Variants in PLEKHA4 observed in about 807,000 individuals in gnomAD.
PLEKHA4 encodes the protein pleckstrin homology domain-containing family A member 4.
PLEKHA4 carries 73 observed loss-of-function variants against 94.7 expected under a neutral mutation model. That is an observed-to-expected ratio of 0.77 (90% CI 0.64 to 0.94). The LOEUF (loss-of-function observed/expected upper bound fraction) is 0.94, where lower values mean the gene tolerates loss of function less well. Ranked by LOEUF, PLEKHA4 falls within the 40% of genes least tolerant of loss-of-function variation. The probability of loss-of-function intolerance (pLI) is 0.00; values close to 1 mark genes in which losing one functional copy is unlikely to be tolerated. For synonymous variants in PLEKHA4, 449 were observed against 437.1 expected (o/e 1.03, Z -0.34); for missense variants, 1,049 against 1,054.1 (o/e 1.00, Z 0.07).
chr19:48,839,547 A>G (rs545393678), intron 17 of PLEKHA4, among the ~76,000 whole-genome samples: 7 of 152,200 alleles, frequency 4.6e-5, no homozygotes, highest in African/African-American at 1.7e-4. Flanking sequence ...CTGAGTAAAT[A>G]GAACTACAGG....
rs753278744 is a variant in PLEKHA4 at position 48,857,458 on chromosome 19, C to CG, written c.1010dup (p.Arg338AlafsTer168). ...TGGAGGCCCGGGTCCCAGGGGGCCG[C>CG]GGGGGGAGCTGGAGATAAGTGGGGG... On this transcript the variant is annotated frameshift_variant, in exon 9 of 20. Coordinates refer to ENST00000263265, the MANE Select transcript of PLEKHA4 (RefSeq NM_020904.3). LOFTEE classifies it high-confidence loss of function. 1.9e-6 allele frequency: 3 copies of CG among 1,563,856 alleles called. No individual in the cohort carries two copies. Among genetic ancestry groups the CG allele is most frequent in the Non-Finnish European group, 2.6e-6 (3 of 1,161,022 alleles).
intron 4 of PLEKHA4, 23 bp downstream of exon 4, chr19:48,861,597 A>AAGCC (rs775480924): frequency 1.8e-4 from 297 of 1,613,622 alleles, no homozygotes; most frequent in Non-Finnish European, 2.2e-4. Flanking sequence ...CTCCCACCCC[A>AAGCC]AGCCAGCCAG....
rs1396042899 is a variant in PLEKHA4, at chr19:48,852,154, TTAAATGC to T, written c.1425+67_1425+73del. 12 of 1,207,712 alleles carry T rather than the reference TTAAATGC, an allele frequency of 9.9e-6. No homozygotes were observed. In the African/African-American group the frequency reaches 1.8e-4, roughly 18 times the overall value. The allele number at this position is 1,207,712 out of a possible 1,614,324, so 74.8% of individuals were successfully genotyped here. A position where few individuals can be genotyped will look rare whatever the true frequency, so the allele number is the denominator to read the frequency against. Reference sequence around the variant, plus strand: ...GGGGCCTCGATTCTGTGGGCGAAGATTAAATGCTAAAAGGATTTCCAGGCAGAACTTG... The same window carrying T: ...GGGGCCTCGATTCTGTGGGCGAAGATTAAAAGGATTTCCAGGCAGAACTTG... On this transcript the variant is annotated intron_variant, in intron 13 of 19. Transcript: ENST00000263265.
At chr19:48,859,313 T>C in intron 7 of PLEKHA4, 156 bp downstream of exon 7, 8 of 924,364 alleles carry the variant, frequency 8.7e-6, no homozygotes, top group Admixed American at 2.6e-5. Flanking sequence ...TTGTGGCATC[T>C]TCCCCTCCAG....
rs756479330 is a variant in PLEKHA4 at position 48,857,421 on chromosome 19, C to T, written c.1047+1G>A. ...GATTTAGGGTACTCCAGGATACCTA[C>T]CAATAAAACCATGGAGGCCCGGGTC... On this transcript the variant is annotated splice_donor_variant, in intron 9 of 19. Transcript: ENST00000263265. LOFTEE classifies it high-confidence loss of function. 6.9e-5 allele frequency: 104 copies of T among 1,511,252 alleles called. No individual in the cohort carries two copies. The highest frequency in any genetic ancestry group is 9.0e-5 in the Non-Finnish European group (101 of 1,118,120). The allele number at this position is 1,511,252 out of a possible 1,614,324, so 93.6% of individuals were successfully genotyped here. A position where few individuals can be genotyped will look rare whatever the true frequency, so the allele number is the denominator to read the frequency against.
Position 48,861,388 on chromosome 19 carries a change from TG to T in PLEKHA4, c.366+12del. 6.2e-7 allele frequency: 1 copy of T among 1,608,426 alleles called. No individual in the cohort carries two copies. The highest frequency in any genetic ancestry group is 8.5e-7 in the Non-Finnish European group (1 of 1,175,934). On this transcript the variant is annotated intron_variant, in intron 5 of 19. Transcript: ENST00000263265. ...CCCATCGCCTGGTGCACAACATGGA[TG>T]GATGGACTCACGGTGAAGGTGAAGC...
In PLEKHA4 at chr19:48,839,207, A is replaced by G. The variant is rs1295469769; in HGVS notation, c.1962T>C (p.Ser654=). 1 of 1,583,904 alleles carries G rather than the reference A, an allele frequency of 6.3e-7. No individual in the cohort carries two copies. Among genetic ancestry groups the G allele is most frequent in the Non-Finnish European group, 8.6e-7 (1 of 1,162,700 alleles). The part of the protein sequence containing the change: ...QKWLRSSGSW[S]SPRNTTPYLP... Reference sequence around the variant, plus strand: ...TGATACGCCCTCCAGTTCCTTACCTACTCCAGGACCCAGAGCTTCTGAGCC... The same window carrying G: ...TGATACGCCCTCCAGTTCCTTACCTGCTCCAGGACCCAGAGCTTCTGAGCC... The change falls in exon 18 of 20, where the codon AGT becomes AGC. Residue 654 remains serine (S), a splice_region_variant and synonymous_variant. Transcript: ENST00000263265.
At chr19:48,845,673 C>T in intron 14 of PLEKHA4, 57 bp from the exon 15 acceptor site, 1 of 1,302,300 alleles carries the variant, frequency 7.7e-7, no homozygotes, top group South Asian at 1.5e-5. Context: ...ATTATTATTA[C>T]CATGTTGCAA....
At chr19:48,857,856 T>C (rs1362152629) in intron 8 of PLEKHA4, among the ~76,000 whole-genome samples, 1 of 150,802 alleles carries the variant, frequency 6.6e-6, no homozygotes, top group Non-Finnish European at 1.5e-5. Context: ...CCCTCCACTA[T>C]TGTCCTATGA....
chr19:48,861,996 G>A (rs532060670), intron 3 of PLEKHA4, among the ~76,000 whole-genome samples: 155 of 151,606 alleles, frequency 1.0e-3, no homozygotes, highest in African/African-American at 2.8e-3. Context: ...GTGTGGTGGC[G>A]CGTGCCTGTA....
chr19:48,843,711 G>A (rs146703426), intron 16 of PLEKHA4, among the ~76,000 whole-genome samples: 15,190 of 151,938 alleles, frequency 0.1, 1,025 homozygotes, highest in Non-Finnish European at 0.15. Flanking sequence ...AGGCTGGAGT[G>A]CAGTGGCGCA....
At chr19:48,859,267 C>T (rs2036547348) in intron 7 of PLEKHA4, 128 bp from the exon 8 acceptor site, 1 of 916,094 alleles carries the variant, frequency 1.1e-6, no homozygotes, top group Non-Finnish European at 1.7e-6. Flanking sequence ...GGGTTAGAAT[C>T]CTCCTCTACT....
intron 18 of PLEKHA4, among the ~76,000 whole-genome samples, chr19:48,838,970 T>C (rs537186124): frequency 2.9e-4 from 44 of 152,054 alleles, no homozygotes; most frequent in Middle Eastern, 3.4e-3. Flanking sequence ...ATCACCCAAT[T>C]TCCTTGATGC....
chr19:48,853,993 C>A lies in PLEKHA4; in HGVS notation c.1176+14G>T. On this transcript the variant is annotated intron_variant, in intron 11 of 19. Transcript: ENST00000263265. ...AGAGGCCAGGCGCCCTGTCCTTGGC[C>A]CAGGGCCCCGCACCTTCTCCTCCTG... 1 of 1,613,866 alleles carries A rather than the reference C, an allele frequency of 6.2e-7. No individual in the cohort carries two copies. The highest frequency in any genetic ancestry group is 8.5e-7 in the Non-Finnish European group (1 of 1,179,812).
intron 13 of PLEKHA4, among the ~76,000 whole-genome samples, chr19:48,851,551 G>C (rs1321325885): frequency 6.6e-6 from 1 of 152,130 alleles, no homozygotes; most frequent in Non-Finnish European, 1.5e-5. Flanking sequence ...GGGAGGCAGA[G>C]GTTGTGGTGA....
At position 48,867,658 on chromosome 19, in the gene PLEKHA4, T is replaced by C; in HGVS notation, c.-6-32A>G. On this transcript the variant is annotated intron_variant, in intron 1 of 19. Coordinates refer to ENST00000263265, the MANE Select transcript of PLEKHA4 (RefSeq NM_020904.3). This position sits in a 1 kb window ranked among gnomAD's most constrained non-coding sequence, Gnocchi z 4.7. ...GAGAGAAAGAAAGGGGCTGTGTCTC[T>C]GCAGTGACGGGTGTGAGACAGAGAT... 6.4e-7 allele frequency: 1 copy of C among 1,552,938 alleles called. No individual in the cohort carries two copies. Among genetic ancestry groups the C allele is most frequent in the Non-Finnish European group, 8.7e-7 (1 of 1,144,642 alleles).
At chr19:48,845,288 G>C in intron 16 of PLEKHA4, 82 bp downstream of exon 16, 2 of 1,341,610 alleles carry the variant, frequency 1.5e-6, no homozygotes, top group East Asian at 2.3e-5. Flanking sequence ...GCCTTAGAAC[G>C]CTCTACTCCT....
In PLEKHA4 at chr19:48,837,619, C is replaced by T; in HGVS notation, c.2078-68G>A. 3 of 1,569,148 alleles carry T rather than the reference C, an allele frequency of 1.9e-6. No homozygotes were observed. The highest frequency in any genetic ancestry group is 2.6e-6 in the Non-Finnish European group (3 of 1,150,512). Reference sequence around the variant, plus strand: ...CTAGGACCCCGGATTCCCAGCCCCTCCTCCCTCAGACCCAGGACTCCGGAT... The same window carrying T: ...CTAGGACCCCGGATTCCCAGCCCCTTCTCCCTCAGACCCAGGACTCCGGAT... On this transcript the variant is annotated intron_variant, in intron 19 of 19. Coordinates refer to ENST00000263265, the MANE Select transcript of PLEKHA4 (RefSeq NM_020904.3). This position sits in a 1 kb window ranked among gnomAD's most constrained non-coding sequence, Gnocchi z 4.3.
intron 18 of PLEKHA4, 25 bp downstream of exon 18, chr19:48,839,180 C>G: frequency 6.5e-7 from 1 of 1,542,518 alleles, no homozygotes; most frequent in Non-Finnish European, 8.8e-7. Context: ...TTCCTGCTCC[C>G]TTGATACGCC....
Sources: allele counts gnomAD v4.1 joint callset (sites outside exome capture counted in the v4.1 genomes callset), GRCh38; gene constraint gnomAD v4.1.1; non-coding constraint Gnocchi (gnomAD v3.1); transcripts MANE v1.5; gene names NCBI Gene and HGNC (gene_info 2026-07-23, HGNC 2026-07-21).